Variants in ERAP1 observed in about 807,000 individuals in gnomAD.
ERAP1 encodes the protein endoplasmic reticulum aminopeptidase 1.
Under a neutral mutation model 103.7 loss-of-function variants are expected in ERAP1, and 86 were observed. The observed-to-expected ratio is 0.83, with a 90% CI of 0.70 to 0.99. The LOEUF is 0.99. ERAP1 is among the 50% of genes least tolerant of loss of function. ERAP1 has a pLI of 0.00. For synonymous variants in ERAP1, 398 were observed against 402.4 expected (o/e 0.99, Z 0.13); for missense variants, 1,009 against 1,128.4 (o/e 0.89, Z 1.52).
In ERAP1 at chr5:96,786,545, G is replaced by A; in HGVS notation, c.1684C>T (p.Leu562=). 6.2e-7 allele frequency: 1 copy of A among 1,605,464 alleles called. No homozygotes were observed. The highest frequency in any genetic ancestry group is 8.5e-7 in the Non-Finnish European group (1 of 1,172,220). ...ATGAATGTCAATGGAACATGCCACA[G>A]GTACCTAAAATAAAGGAGAGGTGGA... ...GSDGAPDTGY[L]WHVPLTFITS... The change falls in exon 12 of 19, where the codon CTG becomes TTG. Residue 562 remains leucine, a synonymous_variant. Coordinates refer to ENST00000443439, the MANE Select transcript of ERAP1 (RefSeq NM_001040458.3).
chr5:96,807,876 G>A lies in ERAP1; in HGVS notation c.-34C>T. On this transcript the variant is annotated 5_prime_UTR_variant, in exon 1 of 19. Transcript: ENST00000443439. Reference sequence around the variant, plus strand: ...GCGCTGTACCTGGGGTTCTGGGGCCGCCCTCACCCTTGCGCCGCCGCCACC... The same window carrying A: ...GCGCTGTACCTGGGGTTCTGGGGCCACCCTCACCCTTGCGCCGCCGCCACC... The A allele has an allele frequency of 1.0e-6, 1 of 986,260 alleles. No individual in the cohort carries two copies. The highest frequency in any genetic ancestry group is 1.2e-6 in the Non-Finnish European group (1 of 830,552). 61.1% of individuals were successfully genotyped at this position (986,260 alleles called of 1,614,324 possible).
At chr5:96,765,176 C>A in intron 19 of ERAP1, 1 of 1,102,650 alleles carries the variant, frequency 9.1e-7, no homozygotes. Flanking sequence ...GCCTCTGATA[C>A]AGTTTGGCTA....
chr5:96,807,739 C>T, intron 1 of ERAP1, 121 bp downstream of exon 1: 1 of 715,044 alleles, frequency 1.4e-6, no homozygotes, highest in Non-Finnish European at 1.7e-6. Context: ...TCCCGTGCCC[C>T]GTCTCCCTCC....
downstream of ERAP1, chr5:96,770,531 G>T: frequency 6.2e-7 from 1 of 1,609,402 alleles, no homozygotes; most frequent in South Asian, 1.1e-5. Flanking sequence ...TTTGCTTTAG[G>T]ATAAGTGCAA....
the ERAP1 span, among the ~76,000 whole-genome samples, chr5:96,858,087 G>A: frequency 7.0e-4 from 106 of 152,240 alleles, 1 homozygote; most frequent in African/African-American, 2.5e-3. Context: ...GCTGAACCGT[G>A]GATTCTACCA....
the ERAP1 span, among the ~76,000 whole-genome samples, chr5:96,847,207 C>A: frequency 7.0e-6 from 1 of 143,830 alleles, no homozygotes; most frequent in Non-Finnish European, 1.5e-5. Flanking sequence ...GAGATCATGC[C>A]ATTGCACTCC....
At chr5:96,908,377 G>C in the ERAP1 span, among the ~76,000 whole-genome samples, 5,774 of 152,290 alleles carry the variant, frequency 0.038, 189 homozygotes, top group Middle Eastern at 0.12. Context: ...CTTCTCACTA[G>C]AAGAAAACGT....
intron 19 of ERAP1, chr5:96,767,581 C>G (rs1410702287): frequency 2.8e-5 from 23 of 823,448 alleles, no homozygotes; most frequent in Non-Finnish European, 4.5e-5. Context: ...AATGCCTACT[C>G]TGTGCCTGGT....
In ERAP1 at chr5:96,785,850, T is replaced by C. The variant is rs113465538; in HGVS notation, c.1881A>G (p.Thr627=). The C allele has an allele frequency of 1.7e-5, 28 of 1,614,222 alleles. No individual in the cohort carries two copies. The African/African-American group carries it at 2.0e-4, about 12-fold the overall frequency. The change falls in exon 13 of 19, where the codon ACA becomes ACG. Residue 627 remains threonine (T), a synonymous_variant. Transcript: ENST00000443439. Reference sequence around the variant, plus strand: ...GATCATTACTGCTGACTGCTGTGTGTGTTCCTTTTAAAAGGCCAGTCAAAG... The same window carrying C: ...GATCATTACTGCTGACTGCTGTGTGCGTTCCTTTTAAAAGGCCAGTCAAAG... The part of the protein sequence containing the change: ...WDSLTGLLKG[T]HTAVSSNDRA...
chr5:96,878,336 C>A, the ERAP1 span, among the ~76,000 whole-genome samples: 1 of 152,038 alleles, frequency 6.6e-6, no homozygotes, highest in Non-Finnish European at 1.5e-5. Flanking sequence ...AACCTTTACA[C>A]CAGTAGCCAT....
the ERAP1 span, chr5:96,880,383 G>A: frequency 1.1e-6 from 1 of 886,136 alleles, no homozygotes; most frequent in South Asian, 1.8e-5. Context: ...GGGGAACCCA[G>A]AAGAAGGAAA....
chr5:96,864,044 A>G, the ERAP1 span, among the ~76,000 whole-genome samples: 13 of 151,948 alleles, frequency 8.6e-5, no homozygotes, highest in African/African-American at 3.1e-4. Flanking sequence ...TACTGTTGTG[A>G]TGTTTCTAAA....
the ERAP1 span, among the ~76,000 whole-genome samples, chr5:96,927,140 A>G: frequency 3.3e-5 from 5 of 152,196 alleles, no homozygotes; most frequent in African/African-American, 7.2e-5. Flanking sequence ...TTGAATGTGC[A>G]TAAGTTTTCT....
chr5:96,869,477 C>T, the ERAP1 span, among the ~76,000 whole-genome samples: 1 of 152,112 alleles, frequency 6.6e-6, no homozygotes, highest in Non-Finnish European at 1.5e-5. Flanking sequence ...ACCATGAGCC[C>T]ACTCATATTT....
chr5:96,926,127 G>A, the ERAP1 span, among the ~76,000 whole-genome samples: 1 of 152,082 alleles, frequency 6.6e-6, no homozygotes, highest in African/African-American at 2.4e-5. Context: ...AGCCAAAATG[G>A]TCTCAACCTC....
At chr5:96,774,149 G>T (rs1179634911), downstream of ERAP1, 1 of 153,658 alleles carries the variant, frequency 6.5e-6, no homozygotes, top group East Asian at 1.9e-4. Context: ...GGGCAGTATA[G>T]GTGTTTGCTT....
chr5:96,887,100 T>TATATACAC, the ERAP1 span, among the ~76,000 whole-genome samples: 53 of 137,438 alleles, frequency 3.9e-4, no homozygotes, highest in Non-Finnish European at 6.9e-4. Flanking sequence ...TATATATATA[T>TATATACAC]ACACACACAC....
chr5:96,818,095 A>T, the ERAP1 span, among the ~76,000 whole-genome samples: 1 of 152,220 alleles, frequency 6.6e-6, no homozygotes, highest in African/African-American at 2.4e-5. Context: ...AACAAAAAAT[A>T]ATAATTGAGG....
Position 96,793,345 on chromosome 5 carries a change from A to G in ERAP1, c.1188+55T>C, listed in dbSNP as rs548448178. The G allele has an allele frequency of 3.4e-6, 4 of 1,190,052 alleles. No individual in the cohort carries two copies. The African/African-American group carries it at 4.5e-5, about 13-fold the overall frequency. The allele number at this position is 1,190,052 out of a possible 1,614,324, so 73.7% of individuals were successfully genotyped here. On this transcript the variant is annotated intron_variant, in intron 7 of 18. Transcript: ENST00000443439. ...AAAGATTAGTGAATATTTTCCAGCA[A>G]TATTGAACAAAACAACAAATTAACC...
Sources: gnomAD v4.1 joint callset for allele counts (sites outside exome capture counted in the v4.1 genomes callset) on GRCh38, gnomAD v4.1.1 for gene constraint, MANE v1.5 for transcripts, NCBI Gene and HGNC (gene_info 2026-07-23, HGNC 2026-07-21) for gene names.